IGF1R: variants seen among roughly 807,000 people sequenced by gnomAD.
IGF1R encodes insulin like growth factor 1 receptor, also known as insulin-like growth factor 1 receptor.
IGF1R carries 44 observed loss-of-function variants against 144.6 expected under a neutral mutation model. The observed-to-expected ratio is 0.30, with a 90% CI of 0.24 to 0.39. The LOEUF (loss-of-function observed/expected upper bound fraction) is 0.39, where lower values mean the gene tolerates loss of function less well. Among genes scored for constraint, IGF1R ranks in the 10% least tolerant of loss-of-function variants. The pLI is 1.00. For missense variants in IGF1R, 1,355 were observed against 1,833.7 expected (o/e 0.74, Z 4.77); for synonymous variants, 795 against 722.8 (o/e 1.10, Z -1.60).
At chr15:98,802,882 A>G (rs2056391064) in intron 2 of IGF1R, among the ~76,000 whole-genome samples, 1 of 152,250 alleles carries the variant, frequency 6.6e-6, no homozygotes, top group Non-Finnish European at 1.5e-5. Flanking sequence ...GTGCTACCAA[A>G]AATGAAAAGT....
At chr15:98,675,851 A>T (rs1490312651) in intron 1 of IGF1R, among the ~76,000 whole-genome samples, 2 of 108,834 alleles carry the variant, frequency 1.8e-5, no homozygotes, top group African/African-American at 3.9e-5. Flanking sequence ...TTTTTGAGAG[A>T]GTCTCGCTCT....
chr15:98,961,265 AT>A lies in IGF1R; in HGVS notation c.*3825del, dbSNP rs1206529798. 8.6e-6 allele frequency: 2 copies of A among 233,524 alleles called. No individual in the cohort carries two copies. The highest frequency in any genetic ancestry group is 6.0e-5 in the East Asian group (1 of 16,600). 14.5% of individuals were successfully genotyped at this position (233,524 alleles called of 1,614,324 possible). On this transcript the variant is annotated 3_prime_UTR_variant, in exon 21 of 21. Coordinates refer to ENST00000650285, the MANE Select transcript of IGF1R (RefSeq NM_000875.5). Reference sequence around the variant, plus strand: ...TTCCACAACTGGATTTCTACAGATCATTCAGCTGGTTATAAGGGTTTTGTTT... The same window carrying A: ...TTCCACAACTGGATTTCTACAGATCATCAGCTGGTTATAAGGGTTTTGTTT...
At chr15:98,876,326 AAGAG>A (rs56665864) in intron 2 of IGF1R, among the ~76,000 whole-genome samples, 5,953 of 151,534 alleles carry the variant, frequency 0.039, 206 homozygotes, top group East Asian at 0.15. Context: ...AAAAAAAAAA[AAGAG>A]AGAGAGAGTC....
intron 2 of IGF1R, among the ~76,000 whole-genome samples, chr15:98,716,836 G>T (rs2054129533): frequency 6.6e-6 from 1 of 152,150 alleles, no homozygotes. Flanking sequence ...CTTCTGCGGG[G>T]TCAGCTTGGC....
chr15:98,833,795 T>C (rs966518571), intron 2 of IGF1R, among the ~76,000 whole-genome samples: 12 of 152,330 alleles, frequency 7.9e-5, no homozygotes, highest in Admixed American at 7.8e-4. Context: ...TATTGTTTGC[T>C]TTTTTTATTA....
rs576363058 is a variant in IGF1R at position 98,827,983 on chromosome 15, A to G, written c.641-63342A>G. 2.0e-5 allele frequency among the ~76,000 whole-genome samples: 3 copies of G among 152,308 alleles called. No individual in the cohort carries two copies. The South Asian group carries it at 6.2e-4, about 32-fold the overall frequency. On this transcript the variant is annotated intron_variant, in intron 2 of 20. Coordinates refer to ENST00000650285, the MANE Select transcript of IGF1R (RefSeq NM_000875.5). ...CCTGTCTACTGAAAGCTGATTAATC[A>G]GTCAGATAGTGAGTTCCTATTGGTA...
chr15:98,859,485 G>T lies in IGF1R; in HGVS notation c.641-31840G>T, dbSNP rs201035436. On this transcript the variant is annotated intron_variant, in intron 2 of 20. Coordinates refer to ENST00000650285, the MANE Select transcript of IGF1R (RefSeq NM_000875.5). ...TGTTGCATGTTTTTGCCCCAAGAAA[G>T]AACCCATTAAAATGAAACTTTCCAG... Among the ~76,000 whole-genome samples the T allele has an allele frequency of 3.9e-5, 6 of 152,206 alleles. No homozygotes were observed. In the East Asian group the frequency reaches 1.2e-3, roughly 29 times the overall value.
intron 2 of IGF1R, among the ~76,000 whole-genome samples, chr15:98,812,648 G>T (rs1453510310): frequency 1.3e-5 from 2 of 152,028 alleles, no homozygotes; most frequent in Admixed American, 1.3e-4. Context: ...GTGAACCACC[G>T]TGCCCGGCCA....
In IGF1R at chr15:98,704,740, G is replaced by C. The variant is rs940028265; in HGVS notation, c.95-2822G>C. On this transcript the variant is annotated intron_variant, in intron 1 of 20. Coordinates refer to ENST00000650285, the MANE Select transcript of IGF1R (RefSeq NM_000875.5). This position sits in a 1 kb window ranked among gnomAD's most constrained non-coding sequence, Gnocchi z 4.9. ...AGAAGGGCCAGAGCGGTGTCCTGCA[G>C]AGGGTGGTGTACCTTGGGAGGGAAG... Among the ~76,000 whole-genome samples, 1 of 152,188 alleles carries C rather than the reference G, an allele frequency of 6.6e-6. No homozygotes were observed. The highest frequency in any genetic ancestry group is 1.5e-5 in the Non-Finnish European group (1 of 68,042).
chr15:98,948,577 C>T lies in IGF1R; in HGVS notation c.3591C>T (p.Ser1197=), dbSNP rs374797082. 4.3e-6 allele frequency: 7 copies of T among 1,613,882 alleles called. No individual in the cohort carries two copies. The African/African-American group carries it at 9.3e-5, about 22-fold the overall frequency. The change falls in exon 20 of 21, where the codon TCC becomes TCT. Residue 1197 remains serine, a synonymous_variant. Coordinates refer to ENST00000650285, the MANE Select transcript of IGF1R (RefSeq NM_000875.5). ...CACAGTTTTTTTCTCCCTGTAGGTC[C>T]TTCGGGGTCGTCCTCTGGGAGATCG... ...GVFTTYSDVW[S]FGVVLWEIAT...
intron 18 of IGF1R, among the ~76,000 whole-genome samples, chr15:98,942,056 A>G (rs1255637908): frequency 1.3e-5 from 2 of 152,202 alleles, no homozygotes; most frequent in African/African-American, 2.4e-5. Flanking sequence ...AACAGTATTG[A>G]GTAATAGCTT....
chr15:98,669,302 TAAATG>T (rs1340885604), intron 1 of IGF1R, among the ~76,000 whole-genome samples: 1 of 152,186 alleles, frequency 6.6e-6, no homozygotes, highest in African/African-American at 2.4e-5. Flanking sequence ...ACAGTGTGCT[TAAATG>T]AAGGGTATAC....
intron 2 of IGF1R, among the ~76,000 whole-genome samples, chr15:98,810,704 A>G (rs922135582): frequency 1.4e-4 from 21 of 151,588 alleles, no homozygotes; most frequent in African/African-American, 4.6e-4. Flanking sequence ...GCCCGCCACC[A>G]CGCCCGGCTT....
Position 98,650,328 on chromosome 15 carries a change from C to T in IGF1R, c.94+653C>T, listed in dbSNP as rs1041126864. Among the ~76,000 whole-genome samples the T allele has an allele frequency of 3.9e-5, 6 of 152,202 alleles. No individual in the cohort carries two copies. The South Asian group carries it at 8.3e-4, about 21-fold the overall frequency. On this transcript the variant is annotated intron_variant, in intron 1 of 20. Transcript: ENST00000650285. ...TCCTGGCCTTGCCCGTCACTTTGGC[C>T]CGCTCCTCGTTGGGTTACCTGCCCC...
chr15:98,694,778 G>T (rs949480795), intron 1 of IGF1R, among the ~76,000 whole-genome samples: 1 of 152,208 alleles, frequency 6.6e-6, no homozygotes, highest in Non-Finnish European at 1.5e-5. Flanking sequence ...TGTGATCTGC[G>T]CATCAGCACT....
At chr15:98,784,361 C>T (rs1345771707) in intron 2 of IGF1R, 1 of 152,526 alleles carries the variant, frequency 6.6e-6, no homozygotes, top group East Asian at 1.9e-4. Context: ...CTGGGGAGTC[C>T]AGGATATCTG....
chr15:98,848,776 G>A (rs2011432698), intron 2 of IGF1R, among the ~76,000 whole-genome samples: 1 of 152,124 alleles, frequency 6.6e-6, no homozygotes, highest in Non-Finnish European at 1.5e-5. Flanking sequence ...AACATCTTCT[G>A]CCAGAAATAA....
intron 2 of IGF1R, among the ~76,000 whole-genome samples, chr15:98,787,097 T>C (rs1156618356): frequency 6.6e-6 from 1 of 152,152 alleles, no homozygotes. Flanking sequence ...TTGGACCTCC[T>C]TCGGGGCTGG....
At chr15:98,951,841 G>A (rs1163866115) in intron 20 of IGF1R, among the ~76,000 whole-genome samples, 1 of 152,202 alleles carries the variant, frequency 6.6e-6, no homozygotes. Flanking sequence ...GGGCCCATAC[G>A]ACCTTGACTG....
Sources: gnomAD v4.1 joint callset for allele counts (sites outside exome capture counted in the v4.1 genomes callset) on GRCh38, gnomAD v4.1.1 for gene constraint, Gnocchi (gnomAD v3.1) non-coding constraint, MANE v1.5 for transcripts, NCBI Gene and HGNC (gene_info 2026-07-23, HGNC 2026-07-21) for gene names.